The following GRIP2 variants were observed in gnomAD, a reference collection of about 807,000 sequenced individuals.
The protein encoded by GRIP2 is glutamate receptor-interacting protein 2.
Under a neutral mutation model 108.3 loss-of-function variants are expected in GRIP2, and 58 were observed. The observed-to-expected ratio is 0.54, with a 90% confidence interval of 0.43 to 0.67. GRIP2 has a LOEUF of 0.67. Among genes scored for constraint, GRIP2 ranks in the 30% least tolerant of loss-of-function variants. The probability of loss-of-function intolerance (pLI) is 0.00; values close to 1 mark genes in which losing one functional copy is unlikely to be tolerated. For synonymous variants in GRIP2, 586 were observed against 598.2 expected (o/e 0.98, Z 0.30); for missense variants, 1,278 against 1,430.6 (o/e 0.89, Z 1.72).
At chr3:14,563,104 C>A in the GRIP2 span, among the ~76,000 whole-genome samples, 1 of 152,122 alleles carries the variant, frequency 6.6e-6, no homozygotes, top group African/African-American at 2.4e-5. Flanking sequence ...TTACTTGAAT[C>A]CTGATTTGAA....
intron 3 of GRIP2, 139 bp downstream of exon 3, chr3:14,525,298 A>AGGGTGCAGGAG: frequency 9.7e-7 from 1 of 1,026,760 alleles, no homozygotes; most frequent in South Asian, 1.6e-5. Context: ...CCCTCTGCAG[A>AGGGTGCAGGAG]CACCAAGTTG....
chr3:14,582,764 C>T, the GRIP2 span, among the ~76,000 whole-genome samples: 1 of 152,204 alleles, frequency 6.6e-6, no homozygotes, highest in African/African-American at 2.4e-5. Flanking sequence ...CTCTCTATCC[C>T]CTGATTCTGC....
Position 14,511,062 on chromosome 3 carries a change from C to T in GRIP2, c.1933+103G>A. On this transcript the variant is annotated intron_variant, in intron 16 of 23. Transcript: ENST00000621039. The surrounding 1 kb of genome is among the most constrained non-coding windows in gnomAD (Gnocchi z 4.1). ...CCAGCCAGCCTTCAGCAGCGCCCACCACCCTCCCTTCCTCGGCTGGAGGGA... is the reference window on the plus strand; with the variant it reads ...CCAGCCAGCCTTCAGCAGCGCCCACTACCCTCCCTTCCTCGGCTGGAGGGA... 1.4e-6 allele frequency: 2 copies of T among 1,386,654 alleles called. No homozygotes were observed. Among genetic ancestry groups the T allele is most frequent in the East Asian group, 2.4e-5 (1 of 41,124 alleles). 85.9% of individuals were successfully genotyped at this position (1,386,654 alleles called of 1,614,324 possible).
the GRIP2 span, chr3:14,574,492 G>C: frequency 6.9e-6 from 5 of 720,012 alleles, no homozygotes; most frequent in Non-Finnish European, 1.3e-5. Context: ...AGCTCACTGC[G>C]GTCCAGGGCC....
chr3:14,592,684 C>G, the GRIP2 span, among the ~76,000 whole-genome samples: 1 of 152,160 alleles, frequency 6.6e-6, no homozygotes, highest in Admixed American at 6.5e-5. Flanking sequence ...ACCCAACAAG[C>G]CACGCTTCCC....
At chr3:14,495,915 G>T (rs1308581408) in intron 22 of GRIP2, among the ~76,000 whole-genome samples, 1 of 152,156 alleles carries the variant, frequency 6.6e-6, no homozygotes, top group African/African-American at 2.4e-5. Context: ...AGAGGCTGAG[G>T]TGGGCAGATC....
chr3:14,602,816 A>C, the GRIP2 span, among the ~76,000 whole-genome samples: 3 of 148,334 alleles, frequency 2.0e-5, no homozygotes, highest in African/African-American at 5.0e-5. This position sits in a 1 kb window ranked among gnomAD's most constrained non-coding sequence, Gnocchi z 4.7. Flanking sequence ...TCCCGCGGGG[A>C]CCCTCCCCGG....
intron 1 of GRIP2, among the ~76,000 whole-genome samples, chr3:14,532,866 C>G (rs1280351099): frequency 6.6e-6 from 1 of 152,232 alleles, no homozygotes; most frequent in Non-Finnish European, 1.5e-5. Context: ...CAGCCTGAGT[C>G]AGTGTTGCTG....
chr3:14,523,748 C>A (rs771635364), intron 4 of GRIP2, 50 bp from the exon 5 acceptor site: 7 of 1,255,330 alleles, frequency 5.6e-6, no homozygotes, highest in Non-Finnish European at 8.0e-6. Flanking sequence ...CATCTCCAGG[C>A]CGGTAGATGT....
intron 1 of GRIP2, among the ~76,000 whole-genome samples, chr3:14,533,490 T>C (rs1247560382): frequency 6.6e-6 from 1 of 152,128 alleles, no homozygotes; most frequent in Non-Finnish European, 1.5e-5. Context: ...TTCAGAGCAG[T>C]GGAATCCCAG....
intron 23 of GRIP2, among the ~76,000 whole-genome samples, chr3:14,494,240 TTCC>T (rs1450468252): frequency 6.6e-6 from 1 of 152,054 alleles, no homozygotes; most frequent in African/African-American, 2.4e-5. Context: ...GACAAAAAGT[TTCC>T]TTTCAAAGTC....
chr3:14,517,508 T>C (rs1464106539), intron 10 of GRIP2, among the ~76,000 whole-genome samples: 1 of 137,934 alleles, frequency 7.2e-6, no homozygotes, highest in Non-Finnish European at 1.6e-5. Flanking sequence ...TTTTTTTTTT[T>C]TTTTTTTTTT....
the GRIP2 span, among the ~76,000 whole-genome samples, chr3:14,578,154 T>C: frequency 6.6e-6 from 1 of 152,184 alleles, no homozygotes; most frequent in Non-Finnish European, 1.5e-5. Context: ...GGAAGAACTG[T>C]GGTGATCGAT....
chr3:14,520,680 C>G, intron 7 of GRIP2, 143 bp from the exon 8 acceptor site: 1 of 827,710 alleles, frequency 1.2e-6, no homozygotes, highest in Non-Finnish European at 1.8e-6. Context: ...TATTCCTTTT[C>G]TTTCTTTTTT....
chr3:14,561,076 A>G, the GRIP2 span, among the ~76,000 whole-genome samples: 1 of 152,242 alleles, frequency 6.6e-6, no homozygotes, highest in Admixed American at 6.5e-5. Context: ...TTGGGGTCCT[A>G]GGTTCCAGCC....
At chr3:14,541,838 C>A, upstream of GRIP2, 2 of 1,277,060 alleles carry the variant, frequency 1.6e-6, no homozygotes, top group Non-Finnish European at 2.1e-6. Flanking sequence ...ATTTCCTGGA[C>A]GACTCAAATC....
chr3:14,602,399 G>C, the GRIP2 span: 1 of 152,096 alleles, frequency 6.6e-6, no homozygotes, highest in Non-Finnish European at 1.5e-5. The surrounding 1 kb of genome is among the most constrained non-coding windows in gnomAD (Gnocchi z 4.7). Flanking sequence ...CGCGGACTCC[G>C]GGGTCGGCAT....
chr3:14,546,324 T>A (rs12632506), upstream of GRIP2, among the ~76,000 whole-genome samples: 4 of 151,870 alleles, frequency 2.6e-5, no homozygotes, highest in Non-Finnish European at 4.4e-5. Flanking sequence ...CTGTTGAGTG[T>A]GAGGGGAGGG....
At chr3:14,552,630 CTCTCTT>C (rs1353443784) in intron 1 of GRIP2, among the ~76,000 whole-genome samples, 14 of 100,622 alleles carry the variant, frequency 1.4e-4, no homozygotes, top group South Asian at 8.8e-4. Context: ...CTCTCTCTCT[CTCTCTT>C]TTTTTTTTTT....
Sources: gnomAD v4.1 joint callset for allele counts (sites outside exome capture counted in the v4.1 genomes callset) on GRCh38, gnomAD v4.1.1 for gene constraint, Gnocchi (gnomAD v3.1) non-coding constraint, MANE v1.5 for transcripts, NCBI Gene and HGNC (gene_info 2026-07-23, HGNC 2026-07-21) for gene names.